Variants in FERMT1 observed in about 807,000 individuals in gnomAD.
FERMT1 encodes the protein fermitin family homolog 1.
Under a neutral mutation model 85.3 loss-of-function variants are expected in FERMT1, and 60 were observed. That is an observed-to-expected ratio of 0.70 (90% CI 0.57 to 0.87). The LOEUF (loss-of-function observed/expected upper bound fraction) is 0.87. Among genes scored for constraint, FERMT1 ranks in the 40% least tolerant of loss-of-function variants. The pLI, the probability that FERMT1 is intolerant of heterozygous loss-of-function variation, is 0.00. For synonymous variants in FERMT1, 275 were observed against 301.1 expected (o/e 0.91, Z 0.90); for missense variants, 701 against 818.9 (o/e 0.86, Z 1.76).
chr20:6,112,228 T>C (rs1600446963), intron 4 of FERMT1, among the ~76,000 whole-genome samples: 2 of 152,148 alleles, frequency 1.3e-5, no homozygotes, highest in African/African-American at 2.4e-5. Flanking sequence ...TGGTCAGTGG[T>C]ACTAAAATTT....
At chr20:6,088,582 C>T (rs1165183095) in intron 10 of FERMT1, among the ~76,000 whole-genome samples, 1 of 151,680 alleles carries the variant, frequency 6.6e-6, no homozygotes, top group East Asian at 1.9e-4. Flanking sequence ...AGTAAGTAAA[C>T]CGTGCCTCAT....
At position 6,075,157 on chromosome 20, in the gene FERMT1, A is replaced by T. The variant is rs6117066; in HGVS notation, c.*2016T>A. ...AACCAAACAAAGTTTGGTTAAAACA[A>T]AGTTGGTTCCTTTGTTTTCATGGAA... On this transcript the variant is annotated 3_prime_UTR_variant, in exon 15 of 15. Coordinates refer to ENST00000217289, the MANE Select transcript of FERMT1 (RefSeq NM_017671.5). 0.045 allele frequency: 6,831 copies of T among 152,238 alleles called. 305 individuals are homozygous for T. Among genetic ancestry groups the T allele is most frequent in the African/African-American group, 0.11 (4,450 of 41,458 alleles). The allele number at this position is 152,238 out of a possible 1,614,324, so 9.4% of individuals were successfully genotyped here. A position where few individuals can be genotyped will look rare whatever the true frequency, so the allele number is the denominator to read the frequency against.
chr20:6,116,681 G>A (rs1442145948), intron 2 of FERMT1, among the ~76,000 whole-genome samples: 1 of 148,896 alleles, frequency 6.7e-6, no homozygotes, highest in Non-Finnish European at 1.5e-5. Context: ...ATGAGCCGAG[G>A]TCACACCATT....
intron 8 of FERMT1, among the ~76,000 whole-genome samples, chr20:6,095,494 CTG>C (rs1982476326): frequency 6.6e-6 from 1 of 152,188 alleles, no homozygotes; most frequent in Non-Finnish European, 1.5e-5. Flanking sequence ...TGGGTAACTC[CTG>C]CTACACCTAG....
chr20:6,089,666 G>T (rs1474015223), intron 9 of FERMT1, among the ~76,000 whole-genome samples: 1 of 152,166 alleles, frequency 6.6e-6, no homozygotes, highest in Non-Finnish European at 1.5e-5. Flanking sequence ...GAGAAACTAT[G>T]GGAGAATTCT....
chr20:6,097,442 A>T, intron 7 of FERMT1, 82 bp downstream of exon 7: 2 of 943,694 alleles, frequency 2.1e-6, no homozygotes, highest in South Asian at 1.3e-5. Flanking sequence ...ACAAAAAAAA[A>T]CCAGTATGAA....
In FERMT1 at chr20:6,116,144, C is replaced by A. The variant is rs530980001; in HGVS notation, c.152-100G>T. 24 of 832,644 alleles carry A rather than the reference C, an allele frequency of 2.9e-5. 1 individual carries two copies. The South Asian group carries it at 3.3e-4, about 12-fold the overall frequency. 51.6% of individuals were successfully genotyped at this position (832,644 alleles called of 1,614,324 possible). Reference sequence around the variant, plus strand: ...TTTCATTGTGTGCGAAAATGGAAACCAACAACTGATCTCCAGCTCCTCATG... The same window carrying A: ...TTTCATTGTGTGCGAAAATGGAAACAAACAACTGATCTCCAGCTCCTCATG... On this transcript the variant is annotated intron_variant, in intron 2 of 14. Coordinates refer to ENST00000217289, the MANE Select transcript of FERMT1 (RefSeq NM_017671.5).
rs368594886 is a variant in FERMT1 at position 6,122,279 on chromosome 20, C to T, written c.-19+495G>A. On this transcript the variant is annotated intron_variant, in intron 1 of 14. Transcript: ENST00000217289. ...GCAAGCTGTTACTTGTCAAGGATAGCAGCAAACTTCAGCCGGGAAAACGCA... is the reference window on the plus strand; with the variant it reads ...GCAAGCTGTTACTTGTCAAGGATAGTAGCAAACTTCAGCCGGGAAAACGCA... Among the ~76,000 whole-genome samples, 3 of 152,196 alleles carry T rather than the reference C, an allele frequency of 2.0e-5. No homozygotes were observed. In the South Asian group the frequency reaches 6.2e-4, roughly 32 times the overall value.
In FERMT1 at chr20:6,110,305, T is replaced by C. The variant is rs779318628; in HGVS notation, c.739A>G (p.Asn247Asp). ...PRSLVDKAKL[N>D]AGWLDSSRSL... ...AAGGAGCCGTGTCCTTACCCTGCAT[T>C]GAGCTTGGCTTTATCAACCAGAGAC... Residue 247 changes from asparagine (N) to aspartate (D), a missense_variant, in exon 5 of 15, where the codon AAT (asparagine) becomes GAT (aspartate). Transcript: ENST00000217289. 6.2e-7 allele frequency: 1 copy of C among 1,612,278 alleles called. No individual in the cohort carries two copies. Among genetic ancestry groups the C allele is most frequent in the Non-Finnish European group, 8.5e-7 (1 of 1,179,544 alleles).
chr20:6,114,602 T>A (rs1330815491), intron 3 of FERMT1, among the ~76,000 whole-genome samples: 1 of 152,230 alleles, frequency 6.6e-6, no homozygotes, highest in Non-Finnish European at 1.5e-5. Flanking sequence ...GTCCTCATGC[T>A]TGCCATTTGC....
At chr20:6,086,846 T>C (rs1352562325) in intron 11 of FERMT1, among the ~76,000 whole-genome samples, 1 of 152,182 alleles carries the variant, frequency 6.6e-6, no homozygotes, top group Non-Finnish European at 1.5e-5. Context: ...CTGTATAGCC[T>C]GTGGAACTAG....
chr20:6,075,748 C>G lies in FERMT1; in HGVS notation c.*1425G>C, dbSNP rs952049646. ...GGCCAGGCTCCCTGAGGGGTGCATC[C>G]TAGGAGAACTGAAAAATGGGATTGG... On this transcript the variant is annotated 3_prime_UTR_variant, in exon 15 of 15. Transcript: ENST00000217289. 2 of 152,224 alleles carry G rather than the reference C, an allele frequency of 1.3e-5. No individual in the cohort carries two copies. The highest frequency in any genetic ancestry group is 4.8e-5 in the African/African-American group (2 of 41,426). The allele number at this position is 152,224 out of a possible 1,614,324, so 9.4% of individuals were successfully genotyped here.
At chr20:6,098,358 C>A (rs1982566524) in intron 6 of FERMT1, among the ~76,000 whole-genome samples, 1 of 152,108 alleles carries the variant, frequency 6.6e-6, no homozygotes, top group African/African-American at 2.4e-5. Flanking sequence ...CAAGCTGATT[C>A]TCAAGTTGAG....
Position 6,076,955 on chromosome 20 carries a change from A to G in FERMT1, c.*218T>C. 5 of 582,354 alleles carry G rather than the reference A, an allele frequency of 8.6e-6. No individual in the cohort carries two copies. The highest frequency in any genetic ancestry group is 9.2e-6 in the Non-Finnish European group (3 of 326,252). 36.1% of individuals were successfully genotyped at this position (582,354 alleles called of 1,614,324 possible). On this transcript the variant is annotated 3_prime_UTR_variant, in exon 15 of 15. Coordinates refer to ENST00000217289, the MANE Select transcript of FERMT1 (RefSeq NM_017671.5). ...CTTTTCTCCTGCCTACCCATTTTAT[A>G]GAAAAAACAAGAGAGGCTCCTTCCG...
chr20:6,095,854 A>G (rs908614108), intron 8 of FERMT1, among the ~76,000 whole-genome samples: 29 of 152,218 alleles, frequency 1.9e-4, no homozygotes, highest in Non-Finnish European at 3.8e-4. Context: ...GAGAACATAC[A>G]TTGAATGCAG....
intron 8 of FERMT1, among the ~76,000 whole-genome samples, chr20:6,095,366 GA>G (rs1216436802): frequency 1.3e-5 from 2 of 151,950 alleles, no homozygotes; most frequent in East Asian, 1.9e-4. Flanking sequence ...AAAACGAGAT[GA>G]AAAAAATGAA....
intron 3 of FERMT1, among the ~76,000 whole-genome samples, chr20:6,114,736 G>A (rs765469732): frequency 3.3e-5 from 5 of 152,140 alleles, no homozygotes; most frequent in African/African-American, 1.2e-4. Flanking sequence ...CTCAGGAAAC[G>A]GTTTCTGCTC....
intron 2 of FERMT1, among the ~76,000 whole-genome samples, chr20:6,119,149 T>C (rs1309023801): frequency 1.3e-5 from 2 of 152,184 alleles, no homozygotes; most frequent in South Asian, 2.1e-4. Context: ...GGTTTCGCCA[T>C]GTTGGCCAGC....
rs367739444 is a variant in FERMT1 at position 6,097,029 on chromosome 20, T to C, written c.962A>G (p.His321Arg). The change falls in exon 8 of 15, where the codon CAC becomes CGC. Residue 321 changes from histidine (H) to arginine (R), a missense_variant. Transcript: ENST00000217289. ...EMLIFAALQY[H>R]ISKLSLSAET... is the part of the protein sequence containing the mutation. Reference sequence around the variant, plus strand: ...AGCAGACAACGACAGTTTGCTAATGTGGTACTAAAATGAAAACAGACGTTT... The same window carrying C: ...AGCAGACAACGACAGTTTGCTAATGCGGTACTAAAATGAAAACAGACGTTT... The C allele has an allele frequency of 1.9e-6, 3 of 1,613,674 alleles. No homozygotes were observed. The African/African-American group carries it at 4.0e-5, about 22-fold the overall frequency.
Sources: gnomAD v4.1 joint callset for allele counts (sites outside exome capture counted in the v4.1 genomes callset) on GRCh38, gnomAD v4.1.1 for gene constraint, MANE v1.5 for transcripts, NCBI Gene and HGNC (gene_info 2026-07-23, HGNC 2026-07-21) for gene names.